CTCFL: variants seen among roughly 807,000 people sequenced by gnomAD.
CTCFL encodes CCCTC-binding factor like, also known as transcriptional repressor CTCFL.
In CTCFL, 36 loss-of-function variants were observed where a neutral mutation model predicts 67.4. That is an observed-to-expected ratio of 0.53 (90% CI 0.41 to 0.71). The LOEUF is 0.71. CTCFL is among the 30% of genes least tolerant of loss of function. The probability of loss-of-function intolerance (pLI) is 0.00; values close to 1 mark genes in which losing one functional copy is unlikely to be tolerated. For synonymous variants in CTCFL, 324 were observed against 302.3 expected (o/e 1.07, Z -0.75); for missense variants, 786 against 835.2 (o/e 0.94, Z 0.73).
At chr20:57,512,966 G>A (rs528326345) in intron 7 of CTCFL, among the ~76,000 whole-genome samples, 2 of 152,156 alleles carry the variant, frequency 1.3e-5, no homozygotes, top group African/African-American at 4.8e-5. Context: ...CTTTCTCCCC[G>A]GTTGTGAAAG....
At chr20:57,502,788 G>A (rs111447229) in intron 10 of CTCFL, among the ~76,000 whole-genome samples, 6 of 152,222 alleles carry the variant, frequency 3.9e-5, no homozygotes, top group African/African-American at 1.4e-4. Context: ...GGCTGTGGGG[G>A]CTGAATGGTG....
At chr20:57,496,213 G>A (rs1220094484), downstream of CTCFL, 1 of 603,080 alleles carries the variant, frequency 1.7e-6, no homozygotes, top group East Asian at 2.8e-5. Context: ...TGGTCGTTCA[G>A]AGGAGTGTGG....
chr20:57,519,079 A>C (rs2069142759), intron 4 of CTCFL, 128 bp downstream of exon 4: 4 of 1,231,150 alleles, frequency 3.2e-6, no homozygotes, highest in Non-Finnish European at 4.5e-6. Flanking sequence ...TGGAAATTCA[A>C]GAAAAAGAAG....
downstream of CTCFL, chr20:57,496,369 G>C: frequency 1.7e-6 from 1 of 601,134 alleles, no homozygotes; most frequent in Non-Finnish European, 3.0e-6. Flanking sequence ...GCGGAACTAT[G>C]AGTCAATTAA....
intron 7 of CTCFL, 99 bp from the exon 8 acceptor site, chr20:57,512,851 G>T (rs879058042): frequency 6.2e-6 from 7 of 1,129,742 alleles, no homozygotes; most frequent in Non-Finnish European, 9.0e-6. Flanking sequence ...CTTGGCGCTG[G>T]AACATGCTAG....
intron 10 of CTCFL, chr20:57,499,807 C>G (rs189283177): frequency 5.2e-5 from 11 of 210,524 alleles, no homozygotes; most frequent in African/African-American, 2.6e-4. Context: ...GAATCTAACG[C>G]TGCCGCTGAT....
intron 7 of CTCFL, among the ~76,000 whole-genome samples, chr20:57,514,288 C>T (rs574177745): frequency 9.2e-5 from 14 of 152,266 alleles, no homozygotes; most frequent in Admixed American, 6.5e-5. Flanking sequence ...GTCTCTGATC[C>T]CCAGTGTCCT....
chr20:57,499,087 G>A (rs75040197), intron 10 of CTCFL, among the ~76,000 whole-genome samples: 2 of 128,656 alleles, frequency 1.6e-5, no homozygotes, highest in Admixed American at 7.8e-5. Flanking sequence ...GGGGGGGTGG[G>A]GGGGGGACAC....
chr20:57,513,879 C>T lies in CTCFL; in HGVS notation c.1330+713G>A, dbSNP rs1351476759. On this transcript the variant is annotated intron_variant, in intron 7 of 10. Coordinates refer to ENST00000243914, the MANE Select transcript of CTCFL (RefSeq NM_001386993.1). The stretch of plus-strand genomic sequence containing the variant: ...AAAGGGAGGCCCAGGAATCCTGAAA[C>T]AAAGAAGAGGCTCGTTCACTCACGC... 4.7e-6 allele frequency: 6 copies of T among 1,288,986 alleles called. No homozygotes were observed. The Admixed American group carries it at 1.4e-4, about 30-fold the overall frequency. The allele number at this position is 1,288,986 out of a possible 1,614,324, so 79.8% of individuals were successfully genotyped here.
rs535987706 is a variant in CTCFL at position 57,498,289 on chromosome 20, T to C, written c.*261A>G. On this transcript the variant is annotated 3_prime_UTR_variant, in exon 11 of 11. Transcript: ENST00000243914. ...AACTTTTATAAAATACCTGCAATGT[T>C]TCTTTGAAATATCCAGCTACAAACA... is the stretch of plus-strand genomic sequence containing the variant. The C allele has an allele frequency of 6.1e-4, 685 of 1,126,150 alleles. 19 individuals are homozygous for C. The South Asian group carries it at 0.022, about 35-fold the overall frequency. The allele number at this position is 1,126,150 out of a possible 1,614,324, so 69.8% of individuals were successfully genotyped here. A position where few individuals can be genotyped will look rare whatever the true frequency, so the allele number is the denominator to read the frequency against.
chr20:57,519,394 G>C lies in CTCFL; in HGVS notation c.755-17C>G. ...CTTTTGCTCCTATAGGCAGGAAATA[G>C]TTTATGTATTTGTTAGAGGTTCAAA... On this transcript the variant is annotated splice_polypyrimidine_tract_variant and intron_variant, in intron 3 of 10. Coordinates refer to ENST00000243914, the MANE Select transcript of CTCFL (RefSeq NM_001386993.1). 1.2e-6 allele frequency: 2 copies of C among 1,606,412 alleles called. No individual in the cohort carries two copies. Among genetic ancestry groups the C allele is most frequent in the Non-Finnish European group, 1.7e-6 (2 of 1,174,270 alleles).
At chr20:57,500,085 A>ATTTTTTTT (rs3068009) in intron 10 of CTCFL, 83 of 925,014 alleles carry the variant, frequency 9.0e-5, no homozygotes, top group South Asian at 2.1e-4. Flanking sequence ...TCCTTGAAGT[A>ATTTTTTTT]TTTTTTTTTT....
intron 9 of CTCFL, chr20:57,507,994 G>C (rs2068311234): frequency 1.6e-6 from 1 of 627,402 alleles, no homozygotes; most frequent in Non-Finnish European, 2.8e-6. Flanking sequence ...TGAGGCCAGA[G>C]TGCAGTGGTG....
rs777791036 is a variant in CTCFL at position 57,514,668 on chromosome 20, C to T, written c.1254G>A (p.Leu418=). 4.2e-5 allele frequency: 68 copies of T among 1,614,074 alleles called. No individual in the cohort carries two copies. The highest frequency in any genetic ancestry group is 9.3e-5 in the African/African-American group (7 of 74,910). ...TGGGGACATTTTCGCCGTGTTTCTG[C>T]AGAATATGTATTTTCATGGTCCCGC... The part of the protein sequence containing the change: ...TQSGTMKIHI[L]QKHGENVPKY... Residue 418 remains leucine (L), a synonymous_variant, in exon 7 of 11, where the codon CTG becomes CTA. Transcript: ENST00000243914.
Position 57,498,440 on chromosome 20 carries a change from ACT to A in CTCFL, c.*108_*109del. On this transcript the variant is annotated 3_prime_UTR_variant, in exon 11 of 11. Coordinates refer to ENST00000243914, the MANE Select transcript of CTCFL (RefSeq NM_001386993.1). ...TTAGGGGCAGTGAACATGCAACCTGACTCTCTCTCACTTATCCATCGTGTTGA... is the reference window on the plus strand; with the variant it reads ...TTAGGGGCAGTGAACATGCAACCTGACTCTCTCACTTATCCATCGTGTTGA... 3 of 1,477,234 alleles carry A rather than the reference ACT, an allele frequency of 2.0e-6. No homozygotes were observed. Among genetic ancestry groups the A allele is most frequent in the Non-Finnish European group, 1.8e-6 (2 of 1,112,362 alleles). The allele number at this position is 1,477,234 out of a possible 1,614,324, so 91.5% of individuals were successfully genotyped here.
chr20:57,518,564 A>G, intron 5 of CTCFL, 194 bp downstream of exon 5: 1 of 1,441,786 alleles, frequency 6.9e-7, no homozygotes, highest in Non-Finnish European at 9.2e-7. Flanking sequence ...CTAATTAGTA[A>G]TCAAAGAAAC....
At chr20:57,513,259 G>C (rs142417579) in intron 7 of CTCFL, 5 of 985,582 alleles carry the variant, frequency 5.1e-6, no homozygotes, top group Non-Finnish European at 6.0e-6. Flanking sequence ...CTCGTTGTTA[G>C]AAGTCAGTGC....
chr20:57,501,113 TCAA>T (rs2067890557), intron 10 of CTCFL, among the ~76,000 whole-genome samples: 1 of 152,200 alleles, frequency 6.6e-6, no homozygotes, highest in Non-Finnish European at 1.5e-5. Flanking sequence ...ACTCGTTTAT[TCAA>T]CAAGTGGTGA....
Position 57,518,867 on chromosome 20 carries a change from T to C in CTCFL, c.950A>G (p.Asp317Gly). 1 of 1,613,928 alleles carries C rather than the reference T, an allele frequency of 6.2e-7. No individual in the cohort carries two copies. The highest frequency in any genetic ancestry group is 8.5e-7 in the Non-Finnish European group (1 of 1,179,844). The change falls in exon 5 of 11, where the codon GAC becomes GGC. Residue 317 changes from aspartate (D) to glycine (G), a missense_variant. Transcript: ENST00000243914. ...HTGTRPYKCN[D>G]CNMAFVTSGE... The stretch of plus-strand genomic sequence containing the variant: ...ACTGGTGACAAATGCCATGTTGCAG[T>C]CGTTACACTTGTAGGGCCTGGTTCC...
Sources: allele counts gnomAD v4.1 joint callset (sites outside exome capture counted in the v4.1 genomes callset), GRCh38; gene constraint gnomAD v4.1.1; transcripts MANE v1.5; gene names NCBI Gene and HGNC (gene_info 2026-07-23, HGNC 2026-07-21).